SRGAP2: variants seen among roughly 807,000 people sequenced by gnomAD.
SRGAP2 encodes the protein SLIT-ROBO Rho GTPase-activating protein 2.
A neutral mutation model predicts 57.2 loss-of-function variants in SRGAP2; 15 were observed. That is an observed-to-expected ratio of 0.26 (90% CI 0.18 to 0.40). The LOEUF (loss-of-function observed/expected upper bound fraction) is 0.40, where lower values mean the gene tolerates loss of function less well. Among genes scored for constraint, SRGAP2 ranks in the 10% least tolerant of loss-of-function variants. The pLI is 1.00. For synonymous variants in SRGAP2, 249 were observed against 248.0 expected (o/e 1.00, Z -0.04); for missense variants, 520 against 669.6 (o/e 0.78, Z 2.47).
chr1:206,278,094 T>C (rs1461305059), intron 2 of SRGAP2, among the ~76,000 whole-genome samples: 53 of 152,314 alleles, frequency 3.5e-4, no homozygotes, highest in African/African-American at 1.2e-3. Context: ...ATTCATTCAC[T>C]CATCTGTGCA....
intron 4 of SRGAP2, among the ~76,000 whole-genome samples, chr1:206,366,648 G>T (rs1654040980): frequency 6.6e-6 from 1 of 152,096 alleles, no homozygotes; most frequent in African/African-American, 2.4e-5. Context: ...AAGGGATCAA[G>T]AAGCGATTTC....
chr1:206,363,814 C>A (rs1229326888), intron 4 of SRGAP2, among the ~76,000 whole-genome samples: 16 of 152,132 alleles, frequency 1.1e-4, no homozygotes, highest in Non-Finnish European at 2.1e-4. Flanking sequence ...AGGCACTTGC[C>A]GTTGATTTGT....
Position 206,453,268 on chromosome 1 carries a change from A to G in SRGAP2, c.2248A>G (p.Lys750Glu). 2.7e-6 allele frequency: 2 copies of G among 751,390 alleles called. No individual in the cohort carries two copies. The highest frequency in any genetic ancestry group is 5.0e-6 in the Non-Finnish European group (2 of 402,946). The allele number at this position is 751,390 out of a possible 1,614,324, so 46.5% of individuals were successfully genotyped here. A position where few individuals can be genotyped will look rare whatever the true frequency, so the allele number is the denominator to read the frequency against. Residue 750 changes from lysine (K) to glutamate (E), a missense_variant, in exon 20 of 23, where the codon AAG (lysine) becomes GAG (glutamate). By Grantham distance (56) the Lys-to-Glu change is moderately conservative (BLOSUM62 1). Around this residue, in one of 5 missense-constraint regions of SRGAP2, gnomAD observed 478 missense variants for 373.6 expected, o/e 1.28. Coordinates refer to ENST00000573034, the MANE Select transcript of SRGAP2 (RefSeq NM_015326.5). ...VGRTARELSF[K>E]KGASLLLYQR... ...CCGGACAGCCCGAGAGCTATCCTTT[A>G]AGAAGGGAGCATCCCTGCTGCTTTA...
chr1:206,385,329 A>T (rs1656103742), intron 5 of SRGAP2, among the ~76,000 whole-genome samples: 1 of 150,348 alleles, frequency 6.7e-6, no homozygotes, highest in Admixed American at 6.6e-5. Context: ...TTCAGACTGG[A>T]TGGGTTTCCT....
At chr1:206,310,493 A>G (rs79777421) in intron 3 of SRGAP2, among the ~76,000 whole-genome samples, 1 of 152,086 alleles carries the variant, frequency 6.6e-6, no homozygotes, top group Admixed American at 6.5e-5. Flanking sequence ...GTTTTTCCAC[A>G]ATTAAACTCG....
chr1:206,307,119 C>T (rs1205311081), intron 3 of SRGAP2, among the ~76,000 whole-genome samples: 2 of 150,696 alleles, frequency 1.3e-5, no homozygotes, highest in African/African-American at 2.4e-5. Flanking sequence ...GATTGGTGCA[C>T]TTACAAACCT....
chr1:206,280,130 TAAGAC>T (rs1187756832), intron 2 of SRGAP2, among the ~76,000 whole-genome samples: 1 of 151,872 alleles, frequency 6.6e-6, no homozygotes, highest in Non-Finnish European at 1.5e-5. Context: ...TTTTTCCTCT[TAAGAC>T]AAGGTTTCAC....
intron 16 of SRGAP2, 44 bp from the exon 17 acceptor site, chr1:206,439,932 T>A: frequency 1.3e-6 from 1 of 773,450 alleles, no homozygotes; most frequent in Admixed American, 1.7e-5. Context: ...CTGCCTGGGA[T>A]CCCAGTCATA....
intron 3 of SRGAP2, among the ~76,000 whole-genome samples, chr1:206,324,637 G>T (rs1160776706): frequency 2.0e-5 from 3 of 152,116 alleles, no homozygotes; most frequent in Non-Finnish European, 4.4e-5. Context: ...CTGTAGACAG[G>T]GAGCGTGTTC....
chr1:206,355,105 C>T (rs550365422), intron 4 of SRGAP2, among the ~76,000 whole-genome samples: 2 of 152,242 alleles, frequency 1.3e-5, no homozygotes, highest in East Asian at 3.9e-4. Flanking sequence ...CTCAAAAAAT[C>T]TCTTTGACAA....
intron 2 of SRGAP2, among the ~76,000 whole-genome samples, chr1:206,251,703 T>C (rs1225333125): frequency 1.8e-5 from 1 of 54,760 alleles, no homozygotes; most frequent in Non-Finnish European, 3.3e-5. Context: ...CCCTTGGTTC[T>C]TTTTTTTTTT....
At chr1:206,224,392 A>G (rs1233093232) in intron 2 of SRGAP2, among the ~76,000 whole-genome samples, 1 of 145,824 alleles carries the variant, frequency 6.9e-6, no homozygotes, top group East Asian at 1.9e-4. Context: ...CATGGAGGAA[A>G]AAAGCCTACC....
intron 2 of SRGAP2, among the ~76,000 whole-genome samples, chr1:206,302,488 AG>A (rs1290948452): frequency 6.6e-6 from 1 of 151,048 alleles, no homozygotes; most frequent in African/African-American, 2.4e-5. Flanking sequence ...GACACTATAG[AG>A]GCACTACAGC....
Position 206,454,008 on chromosome 1 carries a change from A to G in SRGAP2, c.2360+628A>G. ...TGATAGGCTGTTGGTTGATTCTCAC[A>G]CTTTGAAGCAGTTGTCCCGTGGGCC... On this transcript the variant is annotated intron_variant, in intron 20 of 22. Coordinates refer to ENST00000573034, the MANE Select transcript of SRGAP2 (RefSeq NM_015326.5). The surrounding 1 kb of genome is among the most constrained non-coding windows in gnomAD (Gnocchi z 4.3). The G allele has an allele frequency of 1.5e-6, 1 of 650,976 alleles. No individual in the cohort carries two copies. The highest frequency in any genetic ancestry group is 2.8e-6 in the Non-Finnish European group (1 of 359,078). The allele number at this position is 650,976 out of a possible 1,614,324, so 40.3% of individuals were successfully genotyped here.
At chr1:206,353,521 C>G (rs1676187442) in intron 4 of SRGAP2, among the ~76,000 whole-genome samples, 1 of 151,940 alleles carries the variant, frequency 6.6e-6, no homozygotes, top group Non-Finnish European at 1.5e-5. Flanking sequence ...GTGGTACGTG[C>G]CTGTAATCCC....
At chr1:206,439,757 TC>T (rs782484967) in intron 16 of SRGAP2, among the ~76,000 whole-genome samples, 10 of 152,202 alleles carry the variant, frequency 6.6e-5, no homozygotes, top group Non-Finnish European at 1.2e-4. Flanking sequence ...ACACCTTACA[TC>T]CGGCAATGGT....
chr1:206,463,195 G>A lies in SRGAP2; in HGVS notation c.*1775G>A, dbSNP rs1015918242. 3.9e-5 allele frequency: 6 copies of A among 152,330 alleles called. No homozygotes were observed. The Admixed American group carries it at 3.9e-4, about 10-fold the overall frequency. 9.4% of individuals were successfully genotyped at this position (152,330 alleles called of 1,614,324 possible). On this transcript the variant is annotated 3_prime_UTR_variant, in exon 23 of 23. Transcript: ENST00000573034. ...GCAAAGGAAAAGAGGTGCTTTGTGGGAAATCACTAATGAGAAGGCTAACCT... is the reference window on the plus strand; with the variant it reads ...GCAAAGGAAAAGAGGTGCTTTGTGGAAAATCACTAATGAGAAGGCTAACCT...
At chr1:206,240,265 C>CA (rs72152960) in intron 2 of SRGAP2, among the ~76,000 whole-genome samples, 2,679 of 83,904 alleles carry the variant, frequency 0.032, 77 homozygotes, top group African/African-American at 0.082. Context: ...GACAACGTCT[C>CA]AAAAAAAAAA....
At position 206,402,097 on chromosome 1, in the gene SRGAP2, G is replaced by A. The variant is rs1331119139; in HGVS notation, c.1056+452G>A. ...GTGGGGCCACATCCTAGAGGCTTTAGTGGGGAAGCGAGGGCTAGGCAGGGA... is the reference window on the plus strand; with the variant it reads ...GTGGGGCCACATCCTAGAGGCTTTAATGGGGAAGCGAGGGCTAGGCAGGGA... On this transcript the variant is annotated intron_variant, in intron 8 of 22. Transcript: ENST00000573034. Among the ~76,000 whole-genome samples the A allele has an allele frequency of 2.0e-5, 3 of 152,002 alleles. 1 individual carries two copies. Among genetic ancestry groups the A allele is most frequent in the South Asian group, 4.2e-4 (2 of 4,812 alleles).
Sources: gnomAD v4.1 joint callset for allele counts (sites outside exome capture counted in the v4.1 genomes callset) on GRCh38, gnomAD v4.1.1 for gene constraint, gnomAD v4.1.1 regional missense constraint, Gnocchi (gnomAD v3.1) non-coding constraint, MANE v1.5 for transcripts, NCBI Gene and HGNC (gene_info 2026-07-23, HGNC 2026-07-21) for gene names.